Variants in GRID2IP observed in about 807,000 individuals in gnomAD.
The protein encoded by GRID2IP is delphilin.
A neutral mutation model predicts 114.3 loss-of-function variants in GRID2IP; 78 were observed. The ratio of observed to expected loss-of-function variants is 0.68; its 90% CI spans 0.57 to 0.82. The LOEUF (loss-of-function observed/expected upper bound fraction) is 0.82. Among genes scored for constraint, GRID2IP ranks in the 40% least tolerant of loss-of-function variants. The pLI is 0.00. For missense variants in GRID2IP, 1,727 were observed against 1,678.5 expected (o/e 1.03, Z -0.51); for synonymous variants, 809 against 724.0 (o/e 1.12, Z -1.89).
chr7:6,547,381 C>CTT (rs370572345), intron 1 of GRID2IP, among the ~76,000 whole-genome samples: 3,435 of 145,744 alleles, frequency 0.024, 66 homozygotes, highest in Middle Eastern at 0.06. Context: ...TCTCCCCAGT[C>CTT]TTTTTTTTTT....
At chr7:6,517,056 CTTTCT>C (rs1226275970) in intron 7 of GRID2IP, among the ~76,000 whole-genome samples, 9 of 150,722 alleles carry the variant, frequency 6.0e-5, no homozygotes, top group Non-Finnish European at 1.0e-4. Context: ...TTGTGTCTTT[CTTTCT>C]TTTTTTTTTT....
Position 6,534,759 on chromosome 7 carries a change from G to T in GRID2IP, c.584+4959C>A, listed in dbSNP as rs545452589. 5.9e-5 allele frequency among the ~76,000 whole-genome samples: 9 copies of T among 152,068 alleles called. No homozygotes were observed. Among genetic ancestry groups the T allele is most frequent in the African/African-American group, 1.9e-4 (8 of 41,480 alleles). The stretch of plus-strand genomic sequence containing the variant: ...GTCTGGCTCTGTCACCCAGGCTGGA[G>T]GCTGGAGTGCAGTGGCTTGTTCTCA... On this transcript the variant is annotated intron_variant, in intron 2 of 21. Coordinates refer to ENST00000457091, the MANE Select transcript of GRID2IP (RefSeq NM_001145118.2). The surrounding 1 kb of genome is among the most constrained non-coding windows in gnomAD (Gnocchi z 4.5).
rs1439546481 is a variant in GRID2IP, at chr7:6,510,296, T to A, written c.1758A>T (p.Pro586=). 1 of 1,543,852 alleles carries A rather than the reference T, an allele frequency of 6.5e-7. No homozygotes were observed. Among genetic ancestry groups the A allele is most frequent in the Non-Finnish European group, 8.7e-7 (1 of 1,143,640 alleles). ...CTGGAGCCCTACCTGTGGTGACTGC[T>A]GGGCTGGGGCCTGGAGGGGAAGCCC... is the stretch of plus-strand genomic sequence containing the variant. ...KSRASPPGPS[P]AVTTGPRTLS... The change falls in exon 11 of 22, where the codon CCA becomes CCT. Residue 586 remains proline (P), a synonymous_variant. Coordinates refer to ENST00000457091, the MANE Select transcript of GRID2IP (RefSeq NM_001145118.2).
chr7:6,539,628 C>T (rs913981985), intron 2 of GRID2IP, 90 bp downstream of exon 2: 14 of 1,253,188 alleles, frequency 1.1e-5, no homozygotes, highest in Non-Finnish European at 1.4e-5. Context: ...CCCACCTGGG[C>T]TGGAAGGGGT....
rs1344111043 is a variant in GRID2IP at position 6,507,745 on chromosome 7, G to A, written c.2544+240C>T. Among the ~76,000 whole-genome samples, 4 of 152,210 alleles carry A rather than the reference G, an allele frequency of 2.6e-5. No individual in the cohort carries two copies. In the South Asian group the frequency reaches 8.3e-4, roughly 32 times the overall value. On this transcript the variant is annotated intron_variant, in intron 13 of 21. Transcript: ENST00000457091. This position sits in a 1 kb window ranked among gnomAD's most constrained non-coding sequence, Gnocchi z 5.3. ...CAAAAGTGATAGGTTTCAAGGATGG[G>A]TAGGGTGGCATTTCCAGGTGTCCCC... is the stretch of plus-strand genomic sequence containing the variant.
chr7:6,502,213 T>A (rs1160849858), intron 18 of GRID2IP, 95 bp from the exon 19 acceptor site: 3 of 1,249,794 alleles, frequency 2.4e-6, no homozygotes, highest in East Asian at 2.5e-5. Flanking sequence ...GCATCAATGA[T>A]GAATTCTTGG....
In GRID2IP at chr7:6,497,841, G is replaced by A. The variant is rs761403869; in HGVS notation, c.3569C>T (p.Ala1190Val). The A allele has an allele frequency of 6.6e-5, 102 of 1,549,664 alleles. No individual in the cohort carries two copies. Among genetic ancestry groups the A allele is most frequent in the Non-Finnish European group, 7.9e-5 (91 of 1,146,482 alleles). Reference protein sequence around the residue: ...FAEFMSKFERALSDLQAGEGL... With the variant: ...FAEFMSKFERVLSDLQAGEGL... ...CTCCCCGGCCTGCAGGTCACTCAGC[G>A]CTCGCTGGGGAGGGGGAACACAGAG... The change falls in exon 22 of 22, where the codon GCG (alanine) becomes GTG (valine). Residue 1190 changes from alanine (A) to valine (V), a missense_variant. By Grantham distance (64) the Ala-to-Val change is moderately conservative. Coordinates refer to ENST00000457091, the MANE Select transcript of GRID2IP (RefSeq NM_001145118.2).
Position 6,551,114 on chromosome 7 carries a change from C to T in GRID2IP, c.323G>A (p.Gly108Asp). The T allele has an allele frequency of 7.7e-7, 1 of 1,297,206 alleles. No individual in the cohort carries two copies. 80.4% of individuals were successfully genotyped at this position (1,297,206 alleles called of 1,614,324 possible). Residue 108 changes from glycine (G) to aspartate (D), a missense_variant, in exon 1 of 22, where the codon GGC becomes GAC. Physicochemically the swap from Gly to Asp is moderately conservative, Grantham distance 94. Transcript: ENST00000457091. ...CTCACGGCCCAGAGCTAGGCCGCGG[C>T]CGCACCGCGGGGCCCGCAAGACTGT... is the stretch of plus-strand genomic sequence containing the variant. ...PTTVLRAPRC[G>D]RGLALGRELL... is the part of the protein sequence containing the mutation.
rs1273624027 is a variant in GRID2IP at position 6,534,715 on chromosome 7, T to G, written c.584+5003A>C. Among the ~76,000 whole-genome samples, 1 of 149,262 alleles carries G rather than the reference T, an allele frequency of 6.7e-6. No individual in the cohort carries two copies. The highest frequency in any genetic ancestry group is 1.5e-5 in the Non-Finnish European group (1 of 66,792). The stretch of plus-strand genomic sequence containing the variant: ...TATCAAATATTAATTACATTTAACT[T>G]TTTTTTTTTTGGAACAGAGTCTGGC... On this transcript the variant is annotated intron_variant, in intron 2 of 21. Coordinates refer to ENST00000457091, the MANE Select transcript of GRID2IP (RefSeq NM_001145118.2). The surrounding 1 kb of genome is among the most constrained non-coding windows in gnomAD (Gnocchi z 4.5).
At chr7:6,542,951 G>A (rs923668433) in intron 1 of GRID2IP, among the ~76,000 whole-genome samples, 4 of 152,152 alleles carry the variant, frequency 2.6e-5, no homozygotes, top group Non-Finnish European at 5.9e-5. Flanking sequence ...TCCATGAGTC[G>A]TTCACGTCTC....
chr7:6,505,152 T>C (rs1786540008), intron 14 of GRID2IP, among the ~76,000 whole-genome samples: 1 of 152,148 alleles, frequency 6.6e-6, no homozygotes, highest in Non-Finnish European at 1.5e-5. Flanking sequence ...GACAGGGAGA[T>C]ACCCAGGAAG....
In GRID2IP at chr7:6,502,083, G is replaced by A. The variant is rs899694167; in HGVS notation, c.3186C>T (p.Thr1062=). The A allele has an allele frequency of 2.6e-6, 4 of 1,551,218 alleles. No homozygotes were observed. Among genetic ancestry groups the A allele is most frequent in the Non-Finnish European group, 3.5e-6 (4 of 1,146,852 alleles). Residue 1062 remains threonine, a synonymous_variant, in exon 19 of 22, where the codon ACC becomes ACT. Transcript: ENST00000457091. Reference sequence around the variant, plus strand: ...GCGATTTGGCAAGGATGTGCAGGAAGGTGGACTTCCCATCCACTGTCTTGG... The same window carrying A: ...GCGATTTGGCAAGGATGTGCAGGAAAGTGGACTTCCCATCCACTGTCTTGG... ...NSTKTVDGKS[T]FLHILAKSLS...
chr7:6,546,426 G>A (rs1298397208), intron 1 of GRID2IP, among the ~76,000 whole-genome samples: 4 of 151,456 alleles, frequency 2.6e-5, no homozygotes, highest in Admixed American at 6.6e-5. Context: ...AAAATTAGCC[G>A]GGCGTGGTGG....
intron 2 of GRID2IP, among the ~76,000 whole-genome samples, chr7:6,529,733 CT>C (rs1173395018): frequency 6.6e-6 from 1 of 152,152 alleles, no homozygotes; most frequent in Non-Finnish European, 1.5e-5. Flanking sequence ...ACTATCCCCC[CT>C]GAGTGGCAGT....
intron 2 of GRID2IP, 125 bp downstream of exon 2, chr7:6,539,593 A>G: frequency 1.1e-6 from 1 of 911,592 alleles, no homozygotes; most frequent in Non-Finnish European, 1.6e-6. Context: ...GATGCTGTTC[A>G]AGAGCAGGCT....
chr7:6,512,958 C>T (rs948945926), intron 8 of GRID2IP, among the ~76,000 whole-genome samples: 1 of 152,144 alleles, frequency 6.6e-6, no homozygotes, highest in Non-Finnish European at 1.5e-5. Context: ...GCACCTGCAG[C>T]GGCTTTCATA....
Position 6,532,965 on chromosome 7 carries a change from C to T in GRID2IP, c.585-6196G>A, listed in dbSNP as rs956068426. ...CAGTCACTAGGTGATCACCAGGGGA[C>T]AGGCAACAGCCGGACTTCCCTGAAG... On this transcript the variant is annotated intron_variant, in intron 2 of 21. Coordinates refer to ENST00000457091, the MANE Select transcript of GRID2IP (RefSeq NM_001145118.2). The surrounding 1 kb of genome is among the most constrained non-coding windows in gnomAD (Gnocchi z 4.4). Among the ~76,000 whole-genome samples, 14 of 152,336 alleles carry T rather than the reference C, an allele frequency of 9.2e-5. No homozygotes were observed. Among genetic ancestry groups the T allele is most frequent in the African/African-American group, 3.1e-4 (13 of 41,586 alleles).
rs1336460580 is a variant in GRID2IP at position 6,509,776 on chromosome 7, T to C, written c.1772-463A>G. Reference sequence around the variant, plus strand: ...ACAACGCGTTGCACTTGATCATTTATCCAATAACCACTTGCTAACTCGGGG... The same window carrying C: ...ACAACGCGTTGCACTTGATCATTTACCCAATAACCACTTGCTAACTCGGGG... On this transcript the variant is annotated intron_variant, in intron 11 of 21. Transcript: ENST00000457091. The surrounding 1 kb of genome is among the most constrained non-coding windows in gnomAD (Gnocchi z 4.9). Among the ~76,000 whole-genome samples, 1 of 152,228 alleles carries C rather than the reference T, an allele frequency of 6.6e-6. No homozygotes were observed. Among genetic ancestry groups the C allele is most frequent in the Non-Finnish European group, 1.5e-5 (1 of 68,040 alleles).
intron 2 of GRID2IP, chr7:6,531,229 G>T (rs970650417): frequency 4.7e-6 from 2 of 429,560 alleles, no homozygotes; most frequent in Non-Finnish European, 8.2e-6. Flanking sequence ...CTCCCGAGCC[G>T]TCCCGGCCCG....
Sources: gnomAD v4.1 joint callset for allele counts (sites outside exome capture counted in the v4.1 genomes callset) on GRCh38, gnomAD v4.1.1 for gene constraint, Gnocchi (gnomAD v3.1) non-coding constraint, MANE v1.5 for transcripts, NCBI Gene and HGNC (gene_info 2026-07-23, HGNC 2026-07-21) for gene names.